The following RAD23B variants were observed in gnomAD, a reference collection of about 807,000 sequenced individuals.
RAD23B encodes lysine-specific demethylase RAD23B.
In RAD23B, 5 loss-of-function variants were observed where a neutral mutation model predicts 49.1. That is an observed-to-expected ratio of 0.10 (90% CI 0.05 to 0.21). The LOEUF (loss-of-function observed/expected upper bound fraction) is 0.21, where lower values mean the gene tolerates loss of function less well. RAD23B is among the 10% of genes least tolerant of loss of function. The probability of loss-of-function intolerance (pLI) is 1.00; values close to 1 mark genes in which losing one functional copy is unlikely to be tolerated. For synonymous variants in RAD23B, 184 were observed against 165.4 expected, an observed-to-expected ratio of 1.11 and a Z score of -0.86; for missense variants, 356 against 486.7, an observed-to-expected ratio of 0.73 and a Z score of 2.53.
chr9:107,318,904 C>T lies in RAD23B; in HGVS notation c.681+25C>T, dbSNP rs11573685. On this transcript the variant is annotated intron_variant, in intron 6 of 9. Coordinates refer to ENST00000358015, the MANE Select transcript of RAD23B (RefSeq NM_002874.5). This position sits in a 1 kb window ranked among gnomAD's most constrained non-coding sequence, Gnocchi z 4.3. ...GGTGAGAAATATGTTTTACTTTACT[C>T]CATTCTGTTGTTTAAGATTAAAATC... is the stretch of plus-strand genomic sequence containing the variant. 2 of 1,589,052 alleles carry T rather than the reference C, an allele frequency of 1.3e-6. No individual in the cohort carries two copies. The highest frequency in any genetic ancestry group is 1.3e-5 in the African/African-American group (1 of 74,114).
chr9:107,307,156 C>T (rs1826796427), intron 4 of RAD23B, among the ~76,000 whole-genome samples: 1 of 152,128 alleles, frequency 6.6e-6, no homozygotes, highest in Non-Finnish European at 1.5e-5. Flanking sequence ...CAGTTTTTCA[C>T]TGTTGTATCT....
At chr9:107,285,746 A>T (rs1833263507) in intron 1 of RAD23B, among the ~76,000 whole-genome samples, 1 of 152,166 alleles carries the variant, frequency 6.6e-6, no homozygotes, top group Non-Finnish European at 1.5e-5. Context: ...TGTTGCTGTT[A>T]GTATAAAAAA....
Position 107,331,854 on chromosome 9 carries a change from A to T in RAD23B, c.*2198A>T, listed in dbSNP as rs1295424299. ...ACCTTGTTTATCTGCTTCTTAAAGA[A>T]TCAGCCGAGACACCATAAAAGAAAT... is the stretch of plus-strand genomic sequence containing the variant. On this transcript the variant is annotated 3_prime_UTR_variant, in exon 10 of 10. Coordinates refer to ENST00000358015, the MANE Select transcript of RAD23B (RefSeq NM_002874.5). 1 of 592,254 alleles carries T rather than the reference A, an allele frequency of 1.7e-6. No individual in the cohort carries two copies. Among genetic ancestry groups the T allele is most frequent in the Non-Finnish European group, 3.1e-6 (1 of 327,818 alleles). The allele number at this position is 592,254 out of a possible 1,614,324, so 36.7% of individuals were successfully genotyped here.
chr9:107,323,005 G>A (rs1827140230), intron 7 of RAD23B, among the ~76,000 whole-genome samples: 1 of 152,174 alleles, frequency 6.6e-6, no homozygotes, highest in Non-Finnish European at 1.5e-5. Context: ...AAAAACCCAT[G>A]TGCTGTGGTC....
In RAD23B at chr9:107,325,023, T is replaced by G. The variant is rs1275005824; in HGVS notation, c.1116+19T>G. Reference sequence around the variant, plus strand: ...AGAAAGGGTGAGTTTAAGTAAAACTTTAAAAAAATTAGTTCTTGGCTGGGC... The same window carrying G: ...AGAAAGGGTGAGTTTAAGTAAAACTGTAAAAAAATTAGTTCTTGGCTGGGC... On this transcript the variant is annotated intron_variant, in intron 9 of 9. Transcript: ENST00000358015. The G allele has an allele frequency of 1.2e-6, 2 of 1,605,606 alleles. No homozygotes were observed. The highest frequency in any genetic ancestry group is 1.7e-5 in the Admixed American group (1 of 59,878).
At chr9:107,306,744 A>G (rs556221498) in intron 4 of RAD23B, 97 bp downstream of exon 4, 2 of 1,327,794 alleles carry the variant, frequency 1.5e-6, no homozygotes, top group Admixed American at 2.4e-5. Flanking sequence ...AACCGACTAT[A>G]TCTATTACGT....
Position 107,283,558 on chromosome 9 carries a change from C to A in RAD23B, c.-72C>A. 1 of 1,261,626 alleles carries A rather than the reference C, an allele frequency of 7.9e-7. No individual in the cohort carries two copies. Among genetic ancestry groups the A allele is most frequent in the South Asian group, 1.8e-5 (1 of 54,842 alleles). 78.2% of individuals were successfully genotyped at this position (1,261,626 alleles called of 1,614,324 possible). ...AGGAGCGCGGGCGACCCCGGGGCCC[C>A]GCCAGGCCACAGACCCCGCCCAGCG... On this transcript the variant is annotated 5_prime_UTR_variant, in exon 1 of 10. Transcript: ENST00000358015.
At chr9:107,323,832 AC>A (rs1564252581) in intron 7 of RAD23B, 57 bp from the exon 8 acceptor site, 2 of 1,462,166 alleles carry the variant, frequency 1.4e-6, no homozygotes, top group Non-Finnish European at 1.9e-6. Context: ...GTATTATTTA[AC>A]CACTGTTTGT....
chr9:107,290,426 C>A (rs1185402796), intron 1 of RAD23B, among the ~76,000 whole-genome samples: 1 of 152,198 alleles, frequency 6.6e-6, no homozygotes, highest in Non-Finnish European at 1.5e-5. Flanking sequence ...TCTTTAGCTG[C>A]TGCCCTATTT....
intron 3 of RAD23B, among the ~76,000 whole-genome samples, chr9:107,305,348 C>A (rs1200313243): frequency 6.6e-6 from 1 of 152,084 alleles, no homozygotes; most frequent in African/African-American, 2.4e-5. Context: ...TTTTAGTGTT[C>A]ATTAAGTGTA....
At chr9:107,311,638 T>A (rs369759634) in intron 4 of RAD23B, 44 bp from the exon 5 acceptor site, 581 of 1,402,056 alleles carry the variant, frequency 4.1e-4, no homozygotes, top group Non-Finnish European at 5.3e-4. Flanking sequence ...AAATTAAATT[T>A]TATATACTTT....
chr9:107,307,941 G>A (rs1017126019), intron 4 of RAD23B, among the ~76,000 whole-genome samples: 23 of 152,200 alleles, frequency 1.5e-4, no homozygotes, highest in Admixed American at 3.3e-4. Flanking sequence ...TTATCCTAGT[G>A]GATACCACCT....
chr9:107,322,731 T>C (rs557880383), intron 7 of RAD23B, among the ~76,000 whole-genome samples: 1 of 152,348 alleles, frequency 6.6e-6, no homozygotes, highest in African/African-American at 2.4e-5. Context: ...AAACTGTTGA[T>C]CTTGAAAAGG....
At chr9:107,299,275 T>G (rs1158744704) in intron 1 of RAD23B, among the ~76,000 whole-genome samples, 1 of 152,228 alleles carries the variant, frequency 6.6e-6, no homozygotes, top group Non-Finnish European at 1.5e-5. Flanking sequence ...TCAAGAAGTA[T>G]TGAATTTTTC....
chr9:107,296,660 G>A (rs1587849517), intron 1 of RAD23B, among the ~76,000 whole-genome samples: 1 of 151,400 alleles, frequency 6.6e-6, no homozygotes, highest in African/African-American at 2.4e-5. Flanking sequence ...TCAGCCTCCC[G>A]AGTAGCTGGG....
rs34042765 is a variant in RAD23B, at chr9:107,325,313, C to CAAAA, written c.1116+334_1116+337dup. Among the ~76,000 whole-genome samples, 95 of 61,382 alleles carry CAAAA rather than the reference C, an allele frequency of 1.5e-3. 3 individuals carry two copies. The highest frequency in any genetic ancestry group is 5.4e-3 in the African/African-American group (82 of 15,220). The allele number at this position is 61,382 out of a possible 152,430, so 40.3% of individuals were successfully genotyped here. A position where few individuals can be genotyped will look rare whatever the true frequency, so the allele number is the denominator to read the frequency against. ...TGGGCAACAGAGTGAGACTCTGTCT[C>CAAAA]AAAAAAAAAAAAAAAAAAAAAAAAA... On this transcript the variant is annotated intron_variant, in intron 9 of 9. Coordinates refer to ENST00000358015, the MANE Select transcript of RAD23B (RefSeq NM_002874.5).
chr9:107,293,905 T>A (rs1833435157), intron 1 of RAD23B, among the ~76,000 whole-genome samples: 1 of 152,182 alleles, frequency 6.6e-6, no homozygotes, highest in Non-Finnish European at 1.5e-5. Flanking sequence ...CACGTCAGCC[T>A]CCTGAGGTAA....
chr9:107,305,407 T>C (rs1826742186), intron 3 of RAD23B, among the ~76,000 whole-genome samples: 1 of 152,170 alleles, frequency 6.6e-6, no homozygotes, highest in African/African-American at 2.4e-5. Context: ...CTGAATAGGC[T>C]GAGAAAGAGA....
intron 4 of RAD23B, 42 bp from the exon 5 acceptor site, chr9:107,311,640 A>G (rs756457087): frequency 1.4e-6 from 2 of 1,412,038 alleles, no homozygotes; most frequent in South Asian, 1.3e-5. Flanking sequence ...ATTAAATTTT[A>G]TATACTTTTT....
Sources: allele counts gnomAD v4.1 joint callset (sites outside exome capture counted in the v4.1 genomes callset), GRCh38; gene constraint gnomAD v4.1.1; non-coding constraint Gnocchi (gnomAD v3.1); transcripts MANE v1.5; gene names NCBI Gene and HGNC (gene_info 2026-07-23, HGNC 2026-07-21).